GPD2: variants seen among roughly 807,000 people sequenced by gnomAD.
GPD2 encodes glycerol-3-phosphate dehydrogenase, mitochondrial.
A neutral mutation model predicts 82.4 loss-of-function variants in GPD2; 54 were observed. That is an observed-to-expected ratio of 0.66 (90% CI 0.53 to 0.82). GPD2 has a LOEUF of 0.82. GPD2 is among the 40% of genes least tolerant of loss of function. The pLI is 0.00. For missense variants in GPD2, 748 were observed against 896.2 expected, an observed-to-expected ratio of 0.83 and a Z score of 2.11; for synonymous variants, 288 against 306.1, an observed-to-expected ratio of 0.94 and a Z score of 0.62.
rs1342585800 is a variant in GPD2 at position 156,496,117 on chromosome 2, C to T, written c.176C>T (p.Ala59Val). Residue 59 changes from alanine (A) to valine (V), a missense_variant, in exon 3 of 17, where the codon GCT (alanine) becomes GTT (valine). Coordinates refer to ENST00000438166, the MANE Select transcript of GPD2 (RefSeq NM_000408.5). ...AACAGGGAGCCTCCTTCCAGAGAAG[C>T]TCAGCTACTGACTTTGCAAAACACA... is the stretch of plus-strand genomic sequence containing the variant. ...PVNREPPSRE[A>V]QLLTLQNTSE... The T allele has an allele frequency of 1.2e-6, 2 of 1,612,030 alleles. No homozygotes were observed. The highest frequency in any genetic ancestry group is 1.3e-5 in the African/African-American group (1 of 74,880).
the GPD2 span, among the ~76,000 whole-genome samples, chr2:156,425,604 T>C: frequency 2.0e-5 from 3 of 152,196 alleles, no homozygotes; most frequent in Admixed American, 2.0e-4. Context: ...GAAGTGATGG[T>C]GCAGACTTTA....
chr2:156,410,883 T>C, the GPD2 span, among the ~76,000 whole-genome samples: 1 of 152,170 alleles, frequency 6.6e-6, no homozygotes, highest in African/African-American at 2.4e-5. Flanking sequence ...ATACAGCATT[T>C]GCCACAAAAG....
In GPD2 at chr2:156,554,213, GA is replaced by G. The variant is rs577460754; in HGVS notation, c.972-3173del. The stretch of plus-strand genomic sequence containing the variant: ...GGGTGATATTAGGAGATCCCAAACT[GA>G]AATGACTCTGTGGTATCATCAGTCA... On this transcript the variant is annotated intron_variant, in intron 8 of 16. Coordinates refer to ENST00000438166, the MANE Select transcript of GPD2 (RefSeq NM_000408.5). 6.2e-3 allele frequency among the ~76,000 whole-genome samples: 943 copies of G among 152,318 alleles called. 14 individuals carry two copies. Among genetic ancestry groups the G allele is most frequent in the African/African-American group, 0.021 (874 of 41,574 alleles).
intron 13 of GPD2, among the ~76,000 whole-genome samples, chr2:156,575,527 C>A (rs1452755317): frequency 1.3e-5 from 2 of 151,304 alleles, no homozygotes; most frequent in Non-Finnish European, 1.5e-5. Context: ...CTCAGCCTCC[C>A]AAGTAGCTGG....
chr2:156,418,350 A>G, the GPD2 span, among the ~76,000 whole-genome samples: 2 of 152,114 alleles, frequency 1.3e-5, no homozygotes. Context: ...AGATCGCGCT[A>G]CTACACTCCG....
the GPD2 span, among the ~76,000 whole-genome samples, chr2:156,422,796 C>T: frequency 6.6e-6 from 1 of 151,738 alleles, no homozygotes; most frequent in African/African-American, 2.4e-5. Flanking sequence ...TATAGATTCA[C>T]ATTTCTTGTC....
rs1465672930 is a variant in GPD2 at position 156,496,225 on chromosome 2, T to C, written c.274+10T>C. The stretch of plus-strand genomic sequence containing the variant: ...GATGCTGTCACCAGAGGTAAGTCTT[T>C]TTTTTTTTTATTTTAATTTTAAGTT... On this transcript the variant is annotated intron_variant, in intron 3 of 16. Coordinates refer to ENST00000438166, the MANE Select transcript of GPD2 (RefSeq NM_000408.5). The C allele has an allele frequency of 3.8e-6, 6 of 1,587,922 alleles. No homozygotes were observed. The highest frequency in any genetic ancestry group is 5.2e-6 in the Non-Finnish European group (6 of 1,158,060).
At chr2:156,461,428 A>G (rs756723298) in intron 1 of GPD2, among the ~76,000 whole-genome samples, 4 of 152,180 alleles carry the variant, frequency 2.6e-5, no homozygotes, top group South Asian at 2.1e-4. Context: ...TCACTTTGTC[A>G]CCCAGGTTGG....
intron 13 of GPD2, among the ~76,000 whole-genome samples, chr2:156,576,275 C>T (rs182782703): frequency 1.6e-3 from 244 of 152,162 alleles, no homozygotes; most frequent in African/African-American, 5.0e-3. Context: ...AGGTACTTGC[C>T]AGATCTCTGT....
intron 1 of GPD2, among the ~76,000 whole-genome samples, chr2:156,460,440 C>G (rs1381803476): frequency 6.6e-6 from 1 of 152,184 alleles, no homozygotes; most frequent in African/African-American, 2.4e-5. Flanking sequence ...GATTCAAACC[C>G]ATAAATATAA....
At chr2:156,553,403 G>A (rs1244309300) in intron 8 of GPD2, among the ~76,000 whole-genome samples, 1 of 152,064 alleles carries the variant, frequency 6.6e-6, no homozygotes, top group African/African-American at 2.4e-5. Context: ...AAACTTTAAT[G>A]TAACATTTAT....
At chr2:156,428,213 A>G in the GPD2 span, among the ~76,000 whole-genome samples, 3 of 152,174 alleles carry the variant, frequency 2.0e-5, no homozygotes, top group African/African-American at 7.2e-5. Context: ...TTTAGCTCTC[A>G]TTAGGCTGCA....
the GPD2 span, among the ~76,000 whole-genome samples, chr2:156,418,030 T>G: frequency 4.0e-5 from 6 of 151,460 alleles, no homozygotes; most frequent in South Asian, 1.0e-3. Context: ...GCCTGGCCAA[T>G]ATGGTGAAAC....
chr2:156,492,742 T>C (rs1406764391), intron 2 of GPD2, among the ~76,000 whole-genome samples: 1 of 152,024 alleles, frequency 6.6e-6, no homozygotes, highest in Non-Finnish European at 1.5e-5. Context: ...TGGAAATGTT[T>C]TAGAAGATGG....
chr2:156,465,366 T>C (rs77742672), intron 1 of GPD2, among the ~76,000 whole-genome samples: 57,849 of 120,708 alleles, frequency 0.48, 12,644 homozygotes, highest in East Asian at 0.68. Context: ...TCTTTCTTTT[T>C]TTTTTTTTTT....
intron 3 of GPD2, among the ~76,000 whole-genome samples, chr2:156,507,261 C>T (rs1684819953): frequency 1.3e-5 from 2 of 151,920 alleles, no homozygotes; most frequent in African/African-American, 4.8e-5. Flanking sequence ...ATCCTCCCAC[C>T]CCTCCCAAAG....
At chr2:156,510,550 G>A (rs546094145) in intron 3 of GPD2, among the ~76,000 whole-genome samples, 1 of 152,182 alleles carries the variant, frequency 6.6e-6, no homozygotes, top group Non-Finnish European at 1.5e-5. Context: ...AAATTGCACT[G>A]TAATATTTTC....
intron 8 of GPD2, 150 bp from the exon 9 acceptor site, chr2:156,557,239 T>TTTGTC: frequency 1.5e-6 from 1 of 646,800 alleles, no homozygotes; most frequent in Admixed American, 2.7e-5. Context: ...TTTTAGGAGT[T>TTTGTC]TCTAGATTAG....
the GPD2 span, among the ~76,000 whole-genome samples, chr2:156,402,409 A>G: frequency 6.6e-6 from 1 of 152,218 alleles, no homozygotes; most frequent in African/African-American, 2.4e-5. Flanking sequence ...ATATGAAGGG[A>G]TTAGGGAATT....
Sources: gnomAD v4.1 joint callset for allele counts (sites outside exome capture counted in the v4.1 genomes callset) on GRCh38, gnomAD v4.1.1 for gene constraint, MANE v1.5 for transcripts, NCBI Gene and HGNC (gene_info 2026-07-23, HGNC 2026-07-21) for gene names.